NRXN1: variants seen among roughly 807,000 people sequenced by gnomAD.
The protein encoded by NRXN1 is neurexin-1.
In NRXN1, 39 loss-of-function variants were observed where a neutral mutation model predicts 150.9. The ratio of observed to expected loss-of-function variants is 0.26; its 90% CI spans 0.20 to 0.34. The LOEUF (loss-of-function observed/expected upper bound fraction) is 0.34. Among genes scored for constraint, NRXN1 ranks in the 10% least tolerant of loss-of-function variants. The pLI is 1.00. For synonymous variants in NRXN1, 924 were observed against 757.0 expected (o/e 1.22, Z -3.62); for missense variants, 1,815 against 1,949.9 (o/e 0.93, Z 1.30).
chr2:50,131,688 G>A (rs1465136108), intron 18 of NRXN1, among the ~76,000 whole-genome samples: 1 of 152,174 alleles, frequency 6.6e-6, no homozygotes, highest in Non-Finnish European at 1.5e-5. Context: ...TTTGCTGATG[G>A]GTAAACGGCT....
At chr2:50,609,069 G>T (rs1347755619) in intron 8 of NRXN1, among the ~76,000 whole-genome samples, 1 of 151,964 alleles carries the variant, frequency 6.6e-6, no homozygotes, top group Non-Finnish European at 1.5e-5. Context: ...ATAAACAGAG[G>T]TTTCCTTCTG....
In NRXN1 at chr2:49,921,753, T is replaced by C; in HGVS notation, c.*191A>G. On this transcript the variant is annotated 3_prime_UTR_variant, in exon 23 of 23. Coordinates refer to ENST00000401669, the MANE Select transcript of NRXN1 (RefSeq NM_001330078.2). The stretch of plus-strand genomic sequence containing the variant: ...ATTTATTGGCCCCTGTTTTTTGTTT[T>C]TTGTTTTTCTTTTTTGAGAAACAAG... 1 of 631,832 alleles carries C rather than the reference T, an allele frequency of 1.6e-6. No individual in the cohort carries two copies. Among genetic ancestry groups the C allele is most frequent in the Non-Finnish European group, 2.6e-6 (1 of 378,386 alleles). The allele number at this position is 631,832 out of a possible 1,614,324, so 39.1% of individuals were successfully genotyped here.
Position 50,487,387 on chromosome 2 carries a change from T to C in NRXN1, c.3070+8518A>G, listed in dbSNP as rs541472748. Among the ~76,000 whole-genome samples, 218 of 152,254 alleles carry C rather than the reference T, an allele frequency of 1.4e-3. 3 individuals carry two copies. Among genetic ancestry groups the C allele is most frequent in the African/African-American group, 5.0e-3 (206 of 41,554 alleles). The stretch of plus-strand genomic sequence containing the variant: ...GCCAAAAAGGGGCCACTTTTAAGAA[T>C]GGACACAGAAAACCACATTCATGTG... On this transcript the variant is annotated intron_variant, in intron 15 of 22. Coordinates refer to ENST00000401669, the MANE Select transcript of NRXN1 (RefSeq NM_001330078.2).
At chr2:50,702,556 T>C (rs936508753) in intron 5 of NRXN1, among the ~76,000 whole-genome samples, 1 of 151,976 alleles carries the variant, frequency 6.6e-6, no homozygotes, top group African/African-American at 2.4e-5. Context: ...TAGCATTTTT[T>C]TGAATTTATA....
chr2:50,531,212 A>G lies in NRXN1; in HGVS notation c.2347+15T>C, dbSNP rs774805184. 1.9e-6 allele frequency: 3 copies of G among 1,605,000 alleles called. No homozygotes were observed. Among genetic ancestry groups the G allele is most frequent in the Non-Finnish European group, 2.6e-6 (3 of 1,173,924 alleles). On this transcript the variant is annotated intron_variant, in intron 11 of 22. Coordinates refer to ENST00000401669, the MANE Select transcript of NRXN1 (RefSeq NM_001330078.2). Reference sequence around the variant, plus strand: ...TAAAAAAGTGTTAGTTCAATGGGGGAAGGCAGGTTGTTACCTAGATTGACC... The same window carrying G: ...TAAAAAAGTGTTAGTTCAATGGGGGGAGGCAGGTTGTTACCTAGATTGACC...
chr2:50,936,358 C>T (rs1260860054), intron 2 of NRXN1, among the ~76,000 whole-genome samples: 1 of 152,084 alleles, frequency 6.6e-6, no homozygotes, highest in South Asian at 2.1e-4. Flanking sequence ...GAATCAGCAT[C>T]CTGACTCAGT....
intron 5 of NRXN1, among the ~76,000 whole-genome samples, chr2:50,683,162 A>G (rs746116116): frequency 3.1e-4 from 47 of 151,992 alleles, no homozygotes; most frequent in Non-Finnish European, 6.3e-4. Flanking sequence ...AAAGTAATCT[A>G]CTTTGTAATC....
intron 13 of NRXN1, among the ~76,000 whole-genome samples, chr2:50,502,533 G>T (rs2092002992): frequency 6.6e-6 from 1 of 152,082 alleles, no homozygotes; most frequent in Middle Eastern, 3.4e-3. Context: ...ATCCTCCTTA[G>T]CTCTGAATAT....
chr2:50,168,405 G>C (rs114554893), intron 18 of NRXN1, among the ~76,000 whole-genome samples: 2,759 of 152,214 alleles, frequency 0.018, 38 homozygotes, highest in Non-Finnish European at 0.026. Flanking sequence ...TGAAACTTGG[G>C]AAGCAACACA....
intron 21 of NRXN1, among the ~76,000 whole-genome samples, chr2:50,051,919 A>G (rs182044724): frequency 6.6e-6 from 1 of 152,232 alleles, no homozygotes; most frequent in Non-Finnish European, 1.5e-5. Context: ...CGAAAAGAAA[A>G]GAGAGAAAAA....
At chr2:49,922,588 A>G (rs1668418973) in intron 22 of NRXN1, among the ~76,000 whole-genome samples, 1 of 152,166 alleles carries the variant, frequency 6.6e-6, no homozygotes. Context: ...GCATAAAGAA[A>G]AGCAGAACAG....
intron 17 of NRXN1, among the ~76,000 whole-genome samples, chr2:50,294,327 T>G (rs2073306131): frequency 6.6e-6 from 1 of 152,200 alleles, no homozygotes; most frequent in Non-Finnish European, 1.5e-5. Flanking sequence ...TCTGCTATGC[T>G]TAAACAAAAA....
intron 5 of NRXN1, among the ~76,000 whole-genome samples, chr2:50,660,600 G>A (rs1687153229): frequency 6.6e-6 from 1 of 151,996 alleles, no homozygotes; most frequent in South Asian, 2.1e-4. Context: ...TTGTTCAAGG[G>A]TAATGTGTAG....
intron 5 of NRXN1, among the ~76,000 whole-genome samples, chr2:50,855,875 G>A (rs772390036): frequency 5.9e-5 from 9 of 151,882 alleles, no homozygotes; most frequent in East Asian, 3.9e-4. Flanking sequence ...CATCATACAC[G>A]GGAAAAAGTA....
At chr2:50,086,563 A>C (rs1270375111) in intron 19 of NRXN1, among the ~76,000 whole-genome samples, 1 of 152,148 alleles carries the variant, frequency 6.6e-6, no homozygotes, top group Admixed American at 6.5e-5. Context: ...TTTTCCTTAA[A>C]CTTAACAGTA....
intron 17 of NRXN1, among the ~76,000 whole-genome samples, chr2:50,294,491 T>C (rs776005696): frequency 6.6e-6 from 1 of 152,176 alleles, no homozygotes; most frequent in Non-Finnish European, 1.5e-5. Context: ...GCATTTACTA[T>C]ATGCTAAGAA....
chr2:50,688,215 G>A (rs1691539114), intron 5 of NRXN1, among the ~76,000 whole-genome samples: 1 of 152,134 alleles, frequency 6.6e-6, no homozygotes, highest in Non-Finnish European at 1.5e-5. Flanking sequence ...CTTTTCCTGA[G>A]ACTAATGCTG....
At chr2:50,234,988 A>C (rs1171465821) in intron 18 of NRXN1, among the ~76,000 whole-genome samples, 2 of 152,028 alleles carry the variant, frequency 1.3e-5, no homozygotes, top group East Asian at 3.9e-4. Flanking sequence ...GCAGTCTAAA[A>C]CTCTTTGACC....
chr2:50,083,237 A>T (rs1698230643), intron 19 of NRXN1, among the ~76,000 whole-genome samples: 1 of 152,222 alleles, frequency 6.6e-6, no homozygotes, highest in Non-Finnish European at 1.5e-5. Context: ...CAAGATTTCA[A>T]TTTAAGGAAT....
Sources: allele counts gnomAD v4.1 joint callset (sites outside exome capture counted in the v4.1 genomes callset), GRCh38; gene constraint gnomAD v4.1.1; transcripts MANE v1.5; gene names NCBI Gene and HGNC (gene_info 2026-07-23, HGNC 2026-07-21).